RHOC: variants seen among roughly 807,000 people sequenced by gnomAD.
RHOC encodes ras homolog family member C, also known as rho-related GTP-binding protein RhoC.
In RHOC, 13 loss-of-function variants were observed where a neutral mutation model predicts 19.5. That is an observed-to-expected ratio of 0.67 (90% CI 0.43 to 1.06). The LOEUF is 1.06. Among genes scored for constraint, RHOC ranks in the 50% least tolerant of loss-of-function variants. RHOC has a pLI of 0.00. For synonymous variants in RHOC, 106 were observed against 97.3 expected (o/e 1.09, Z -0.52); for missense variants, 173 against 256.9 (o/e 0.67, Z 2.23).
At chr1:112,706,428 TCTACACACAC>T (rs1252916370) in intron 1 of RHOC, among the ~76,000 whole-genome samples, 1 of 41,486 alleles carries the variant, frequency 2.4e-5, no homozygotes, top group African/African-American at 8.5e-5. Context: ...TCTCTCTCTC[TCTACACACAC>T]ACACACACAC....
intron 1 of RHOC, chr1:112,705,824 T>C: frequency 2.7e-6 from 1 of 375,956 alleles, no homozygotes; most frequent in South Asian, 1.9e-5. Context: ...GCCAGTCACT[T>C]AGGCATGAGT....
rs149206424 is a variant in RHOC, at chr1:112,706,430, TACACAC to T, written c.-77+642_-77+647del. Among the ~76,000 whole-genome samples, 469 of 49,640 alleles carry T rather than the reference TACACAC, an allele frequency of 9.4e-3. 38 individuals carry two copies. Among genetic ancestry groups the T allele is most frequent in the African/African-American group, 0.037 (427 of 11,496 alleles). 32.6% of individuals were successfully genotyped at this position (49,640 alleles called of 152,430 possible). A position where few individuals can be genotyped will look rare whatever the true frequency, so the allele number is the denominator to read the frequency against. ...CATTTTCTCTCTCTCTCTCTCTCTC[TACACAC>T]ACACACACACACACACACACACACA... On this transcript the variant is annotated intron_variant, in intron 1 of 5. Transcript: ENST00000339083.
intron 1 of RHOC, among the ~76,000 whole-genome samples, chr1:112,706,517 C>CACACAAACACACACAA (rs1553189943): frequency 2.8e-5 from 2 of 71,390 alleles, no homozygotes; most frequent in South Asian, 1.0e-3. Context: ...CACACACACA[C>CACACAAACACACACAA]ACACACACAC....
chr1:112,703,206 A>C, intron 3 of RHOC, 87 bp from the exon 4 acceptor site: 2 of 1,499,738 alleles, frequency 1.3e-6, no homozygotes, highest in Non-Finnish European at 1.8e-6. Context: ...CTTCGGGCTC[A>C]CTGAACTTCT....
At chr1:112,706,517 C>CACACACACACACACACACAA (rs1674896512) in intron 1 of RHOC, among the ~76,000 whole-genome samples, 1 of 71,300 alleles carries the variant, frequency 1.4e-5, no homozygotes, top group African/African-American at 5.0e-5. Flanking sequence ...CACACACACA[C>CACACACACACACACACACAA]ACACACACAC....
rs546323355 is a variant in RHOC, at chr1:112,703,318, G to T, written c.157-199C>A. The stretch of plus-strand genomic sequence containing the variant: ...GAAATCTAAGACGTGTTTGACCCTT[G>T]AGTTGCCACTGTGAGCACCATTATT... On this transcript the variant is annotated intron_variant, in intron 3 of 5. Transcript: ENST00000339083. 13 of 718,760 alleles carry T rather than the reference G, an allele frequency of 1.8e-5. No homozygotes were observed. The African/African-American group carries it at 1.9e-4, about 11-fold the overall frequency. 44.5% of individuals were successfully genotyped at this position (718,760 alleles called of 1,614,324 possible).
Position 112,701,316 on chromosome 1 carries a change from C to T in RHOC, c.*224G>A, listed in dbSNP as rs1450217352. ...TGGGGAAGGTCAAAGGGGGCAAGAT[C>T]CCCAGGGGCCCTGAGGAAGGGCAGG... On this transcript the variant is annotated 3_prime_UTR_variant, in exon 6 of 6. Transcript: ENST00000339083. 1 of 1,314,660 alleles carries T rather than the reference C, an allele frequency of 7.6e-7. No individual in the cohort carries two copies. The highest frequency in any genetic ancestry group is 1.5e-5 in the African/African-American group (1 of 67,372). The allele number at this position is 1,314,660 out of a possible 1,614,324, so 81.4% of individuals were successfully genotyped here.
intron 1 of RHOC, among the ~76,000 whole-genome samples, chr1:112,706,461 ACACCACACACAC>A (rs2101470324): frequency 9.1e-5 from 1 of 10,994 alleles, no homozygotes; most frequent in African/African-American, 2.9e-4. Flanking sequence ...ACACACACAC[ACACCACACACAC>A]ACACACACAC....
intron 3 of RHOC, 49 bp downstream of exon 3, chr1:112,703,595 T>TG (rs771985556): frequency 4.0e-5 from 35 of 876,316 alleles, no homozygotes; most frequent in Middle Eastern, 3.4e-4. Context: ...ATTCAGTGAC[T>TG]GGGGGGCGGG....
chr1:112,703,365 C>A (rs1383836522), intron 3 of RHOC: 11 of 714,116 alleles, frequency 1.5e-5, no homozygotes, highest in African/African-American at 5.2e-5. Context: ...TCACAACAAC[C>A]CTTTGAGGGA....
At chr1:112,706,476 A>ACACACACCCCCACAC (rs1557780701) in intron 1 of RHOC, among the ~76,000 whole-genome samples, 2 of 3,878 alleles carry the variant, frequency 5.2e-4, no homozygotes, top group Admixed American at 2.7e-3. Flanking sequence ...ACACACACAC[A>ACACACACCCCCACAC]CACACACACA....
At chr1:112,703,486 G>T (rs1674732578) in intron 3 of RHOC, 158 bp downstream of exon 3, 2 of 769,490 alleles carry the variant, frequency 2.6e-6, no homozygotes, top group Non-Finnish European at 4.5e-6. Context: ...GTATATCCAG[G>T]TTTTTTAAGA....
chr1:112,706,432 CA>C (rs1557780406), intron 1 of RHOC, among the ~76,000 whole-genome samples: 837 of 29,180 alleles, frequency 0.029, 64 homozygotes, highest in East Asian at 0.11. Context: ...TCTCTCTCTA[CA>C]CACACACACA....
intron 3 of RHOC, 37 bp downstream of exon 3, chr1:112,703,607 T>C (rs937053): frequency 3.6e-5 from 54 of 1,500,258 alleles, no homozygotes; most frequent in South Asian, 2.3e-4. Flanking sequence ...GGGGGCGGGG[T>C]CTCAGGGTGG....
At chr1:112,702,801 T>C (rs1272938330) in intron 4 of RHOC, 108 bp from the exon 5 acceptor site, 2 of 1,481,472 alleles carry the variant, frequency 1.4e-6, no homozygotes, top group South Asian at 2.4e-5. Context: ...TTCAGCATGA[T>C]GGTCCCTTTC....
intron 3 of RHOC, 178 bp from the exon 4 acceptor site, chr1:112,703,297 T>C (rs1388776890): frequency 2.6e-6 from 2 of 775,136 alleles, no homozygotes; most frequent in Admixed American, 2.4e-5. Context: ...GTTAAAGAAA[T>C]CTAAGACGTG....
chr1:112,703,913 CA>C (rs1203462676), intron 2 of RHOC, 107 bp from the exon 3 acceptor site: 2 of 1,024,764 alleles, frequency 2.0e-6, no homozygotes, highest in Non-Finnish European at 2.8e-6. Context: ...AGCAAAGGGA[CA>C]GGGGGCTTGC....
intron 1 of RHOC, chr1:112,705,511 G>T (rs902755507): frequency 1.4e-5 from 7 of 513,548 alleles, no homozygotes; most frequent in African/African-American, 7.6e-5. Flanking sequence ...ATGAGTCAGA[G>T]AATTTACAGG....
chr1:112,704,432 CCCA>C (rs1450296033), intron 2 of RHOC: 2 of 153,236 alleles, frequency 1.3e-5, no homozygotes, highest in Non-Finnish European at 2.9e-5. Flanking sequence ...TCCTTCGGTA[CCCA>C]GATGCCTGGA....
Sources: gnomAD v4.1 joint callset for allele counts (sites outside exome capture counted in the v4.1 genomes callset) on GRCh38, gnomAD v4.1.1 for gene constraint, MANE v1.5 for transcripts, NCBI Gene and HGNC (gene_info 2026-07-23, HGNC 2026-07-21) for gene names.